LIMD1: variants seen among roughly 807,000 people sequenced by gnomAD.
LIMD1 encodes the protein LIM domain-containing protein 1.
A neutral mutation model predicts 58.4 loss-of-function variants in LIMD1; 23 were observed. The observed-to-expected ratio is 0.39, with a 90% CI of 0.28 to 0.56. The LOEUF is 0.56. Among genes scored for constraint, LIMD1 ranks in the 20% least tolerant of loss-of-function variants. LIMD1 has a pLI of 0.57. For missense variants in LIMD1, 838 were observed against 855.5 expected, an observed-to-expected ratio of 0.98 and a Z score of 0.25; for synonymous variants, 334 against 345.5, an observed-to-expected ratio of 0.97 and a Z score of 0.37.
chr3:45,656,005 G>A (rs1413276454), intron 2 of LIMD1, among the ~76,000 whole-genome samples: 2 of 152,202 alleles, frequency 1.3e-5, no homozygotes, highest in Non-Finnish European at 2.9e-5. Flanking sequence ...GAGTCTTTGG[G>A]AGGTGATTAA....
intron 2 of LIMD1, among the ~76,000 whole-genome samples, chr3:45,651,665 C>T (rs977432483): frequency 1.2e-4 from 18 of 151,922 alleles, no homozygotes; most frequent in Non-Finnish European, 2.1e-4. Context: ...GGAGTCTTGC[C>T]CCCATTGTGC....
At chr3:45,630,394 C>T (rs1209514619) in intron 1 of LIMD1, among the ~76,000 whole-genome samples, 6 of 152,108 alleles carry the variant, frequency 3.9e-5, no homozygotes, top group South Asian at 4.1e-4. Flanking sequence ...CCATAGCCAG[C>T]GTCTGGAGAG....
intron 1 of LIMD1, among the ~76,000 whole-genome samples, chr3:45,599,944 AG>A (rs1482598135): frequency 8.0e-6 from 1 of 125,288 alleles, no homozygotes; most frequent in African/African-American, 4.0e-5. Flanking sequence ...GAAGATTGGC[AG>A]TCATTGCCTG....
chr3:45,605,094 G>A (rs535369503), intron 1 of LIMD1, among the ~76,000 whole-genome samples: 1 of 152,368 alleles, frequency 6.6e-6, no homozygotes, highest in East Asian at 1.9e-4. Flanking sequence ...ACCACCAGCA[G>A]CTCAGGGTGT....
intron 1 of LIMD1, among the ~76,000 whole-genome samples, chr3:45,631,455 A>G (rs1419805444): frequency 6.6e-6 from 1 of 152,024 alleles, no homozygotes; most frequent in Non-Finnish European, 1.5e-5. Context: ...ATCTTTTCCT[A>G]CCTACTTGGC....
chr3:45,602,526 A>T (rs1246984525), intron 1 of LIMD1, among the ~76,000 whole-genome samples: 1 of 151,902 alleles, frequency 6.6e-6, no homozygotes, highest in Non-Finnish European at 1.5e-5. Context: ...TCCTTTCAGC[A>T]GTATCCTAAC....
intron 1 of LIMD1, among the ~76,000 whole-genome samples, chr3:45,623,994 G>T (rs1041701518): frequency 6.6e-6 from 1 of 152,156 alleles, no homozygotes; most frequent in East Asian, 1.9e-4. Flanking sequence ...AGAGTGGCTG[G>T]GGGAAGACTG....
chr3:45,668,349 T>C lies in LIMD1; in HGVS notation c.1634T>C (p.Met545Thr), dbSNP rs370756086. The C allele has an allele frequency of 5.6e-6, 9 of 1,612,714 alleles. No homozygotes were observed. The highest frequency in any genetic ancestry group is 7.6e-6 in the Non-Finnish European group (9 of 1,178,892). ...TGTTTTCTTTGTGGACATCTGATCA[T>C]GGACATGGTGAGTAGGTCAGCCAAA... is the stretch of plus-strand genomic sequence containing the variant. Reference protein sequence around the residue: ...DRCFLCGHLIMDMILQALGKS... With the variant: ...DRCFLCGHLITDMILQALGKS... Residue 545 changes from methionine to threonine, a missense_variant, in exon 4 of 8, where the codon ATG becomes ACG. Physicochemically the swap from Met to Thr is moderately conservative, Grantham distance 81. This residue lies in a region of LIMD1 where 174 missense variants were observed against 197.4 expected (regional missense o/e 0.88). Transcript: ENST00000273317.
At chr3:45,621,637 A>G (rs1414167357) in intron 1 of LIMD1, among the ~76,000 whole-genome samples, 1 of 152,174 alleles carries the variant, frequency 6.6e-6, no homozygotes, top group South Asian at 2.1e-4. Flanking sequence ...TTACCTCTGC[A>G]TTGGTTATTT....
chr3:45,660,303 C>T (rs1486207999), intron 2 of LIMD1, among the ~76,000 whole-genome samples: 2 of 150,962 alleles, frequency 1.3e-5, no homozygotes, highest in South Asian at 2.1e-4. Flanking sequence ...AAGGAAGAGG[C>T]GAAAGTGGGG....
At chr3:45,629,074 T>G (rs1261647725) in intron 1 of LIMD1, among the ~76,000 whole-genome samples, 1 of 151,976 alleles carries the variant, frequency 6.6e-6, no homozygotes, top group Non-Finnish European at 1.5e-5. Flanking sequence ...GGGCAGTGGA[T>G]TTGATCATTG....
chr3:45,647,911 C>T (rs915749707), intron 2 of LIMD1, among the ~76,000 whole-genome samples: 2 of 152,154 alleles, frequency 1.3e-5, no homozygotes, highest in Non-Finnish European at 2.9e-5. Context: ...ACCTTGTCAC[C>T]CTTAGCCTCC....
At position 45,660,862 on chromosome 3, in the gene LIMD1, A is replaced by C. The variant is rs192997610; in HGVS notation, c.1511-4788A>C. Among the ~76,000 whole-genome samples the C allele has an allele frequency of 3.3e-4, 50 of 152,328 alleles. 2 individuals are homozygous for C. The highest frequency in any genetic ancestry group is 3.1e-3 in the Admixed American group (47 of 15,304). The stretch of plus-strand genomic sequence containing the variant: ...TCTCATTTTCTTTTCTAAAACTTCG[A>C]GTTCTCTGGAGTCCCTTTATAGAGA... On this transcript the variant is annotated intron_variant, in intron 2 of 7. Transcript: ENST00000273317.
intron 1 of LIMD1, among the ~76,000 whole-genome samples, chr3:45,600,350 C>T (rs1434626556): frequency 6.6e-6 from 1 of 152,154 alleles, no homozygotes; most frequent in Non-Finnish European, 1.5e-5. Context: ...TCCCTGTTGC[C>T]ACCTTTGTAA....
chr3:45,663,868 ATTTTTTT>A (rs553757543), intron 2 of LIMD1, among the ~76,000 whole-genome samples: 2 of 102,896 alleles, frequency 1.9e-5, no homozygotes, highest in African/African-American at 8.6e-5. Context: ...TGCCTGGCTA[ATTTTTTT>A]TTTTTTTTTT....
intron 2 of LIMD1, among the ~76,000 whole-genome samples, chr3:45,638,920 A>G (rs1701815193): frequency 6.6e-6 from 1 of 152,234 alleles, no homozygotes; most frequent in Non-Finnish European, 1.5e-5. Flanking sequence ...TGTGTCATCC[A>G]GGCTGGAGTG....
At chr3:45,638,767 T>C (rs4682794) in intron 2 of LIMD1, among the ~76,000 whole-genome samples, 112,059 of 152,190 alleles carry the variant, frequency 0.74, 42,537 homozygotes, top group East Asian at 0.97. Flanking sequence ...TCCCACCAAC[T>C]GTGTATAAGC....
At chr3:45,657,076 C>T (rs540587963) in intron 2 of LIMD1, among the ~76,000 whole-genome samples, 3 of 152,222 alleles carry the variant, frequency 2.0e-5, no homozygotes, top group African/African-American at 7.2e-5. Context: ...GGTTAGTTGG[C>T]GTCTGTTTCA....
chr3:45,642,300 T>G (rs1237463361), intron 2 of LIMD1, among the ~76,000 whole-genome samples: 1 of 152,018 alleles, frequency 6.6e-6, no homozygotes, highest in Non-Finnish European at 1.5e-5. Context: ...CTCAGCCTCC[T>G]GAGTAGCTGG....
Sources: allele counts gnomAD v4.1 joint callset (sites outside exome capture counted in the v4.1 genomes callset), GRCh38; gene constraint gnomAD v4.1.1; regional missense constraint gnomAD v4.1.1; transcripts MANE v1.5; gene names NCBI Gene and HGNC (gene_info 2026-07-23, HGNC 2026-07-21).